The following CEP85 variants were observed in gnomAD, a reference collection of about 807,000 sequenced individuals.
CEP85 encodes centrosomal protein of 85 kDa.
In CEP85, 58 loss-of-function variants were observed where a neutral mutation model predicts 93.7. That is an observed-to-expected ratio of 0.62 (90% CI 0.50 to 0.77). The LOEUF is 0.77. CEP85 is among the 30% of genes least tolerant of loss of function. The pLI, the probability that CEP85 is intolerant of heterozygous loss-of-function variation, is 0.00. For synonymous variants in CEP85, 314 were observed against 338.6 expected (o/e 0.93, Z 0.80); for missense variants, 868 against 922.0 (o/e 0.94, Z 0.76).
At chr1:26,271,377 G>A (rs2089973461) in intron 10 of CEP85, 1 of 335,054 alleles carries the variant, frequency 3.0e-6, no homozygotes, top group Non-Finnish European at 5.6e-6. Context: ...GACCCAAAAT[G>A]GTGCAGTAAA....
intron 7 of CEP85, among the ~76,000 whole-genome samples, chr1:26,265,505 C>G (rs1248819957): frequency 2.6e-5 from 4 of 152,200 alleles, no homozygotes; most frequent in Non-Finnish European, 5.9e-5. Flanking sequence ...TTGGGAATCT[C>G]TCTGATTGAT....
chr1:26,269,156 C>G (rs6656644), intron 8 of CEP85: 43,975 of 317,300 alleles, frequency 0.14, 3,523 homozygotes, highest in African/African-American at 0.21. Context: ...TAAACCTGTT[C>G]CCTTTAAAAT....
intron 8 of CEP85, among the ~76,000 whole-genome samples, chr1:26,269,078 A>G (rs2089934419): frequency 6.6e-6 from 1 of 152,154 alleles, no homozygotes; most frequent in African/African-American, 2.4e-5. Context: ...CTCTGACCTA[A>G]GTCACCTTTA....
At chr1:26,272,380 A>G (rs992970227) in intron 11 of CEP85, 1 of 361,862 alleles carries the variant, frequency 2.8e-6, no homozygotes, top group African/African-American at 2.0e-5. Context: ...TAGCCAGGCA[A>G]ACAAGAGGAG....
At chr1:26,245,979 C>G (rs200257426) in intron 3 of CEP85, among the ~76,000 whole-genome samples, 1 of 147,948 alleles carries the variant, frequency 6.8e-6, no homozygotes, top group Non-Finnish European at 1.5e-5. Context: ...GACCCTGTCT[C>G]AAAAAAAAAA....
Position 26,271,013 on chromosome 1 carries a change from G to T in CEP85, c.1650-1G>T. On this transcript the variant is annotated splice_acceptor_variant, in intron 9 of 13. Coordinates refer to ENST00000451429, the MANE Select transcript of CEP85 (RefSeq NM_001319944.2). LOFTEE classifies it high-confidence loss of function. ...TTCTTGAAGAGGCCACTGTCTTTCA[G>T]CCTGCAAGATAAACAGTCTGTGGAG... 1 of 1,605,558 alleles carries T rather than the reference G, an allele frequency of 6.2e-7. No individual in the cohort carries two copies. Among genetic ancestry groups the T allele is most frequent in the South Asian group, 1.1e-5 (1 of 90,780 alleles).
At position 26,257,597 on chromosome 1, in the gene CEP85, C is replaced by G. The variant is rs756242813; in HGVS notation, c.904C>G (p.Leu302Val). 3.2e-5 allele frequency: 51 copies of G among 1,614,066 alleles called. No individual in the cohort carries two copies. Among genetic ancestry groups the G allele is most frequent in the Non-Finnish European group, 4.1e-5 (48 of 1,179,970 alleles). Residue 302 changes from leucine (L) to valine (V), a missense_variant and splice_region_variant, in exon 5 of 14, where the codon CTT (leucine) becomes GTT (valine). By Grantham distance (32) the Leu-to-Val change is conservative. Transcript: ENST00000451429. The part of the protein sequence containing the change: ...LIRLQMEQMQ[L>V]QNGAICHHPA... The stretch of plus-strand genomic sequence containing the variant: ...TCATCTGGGCCTACTTGCCTTTCAG[C>G]TTCAGAATGGAGCCATCTGCCACCA...
chr1:26,271,150 G>A (rs1391705426), intron 10 of CEP85, 43 bp downstream of exon 10: 1 of 1,224,974 alleles, frequency 8.2e-7, no homozygotes, highest in Admixed American at 1.7e-5. Context: ...TAGGCTGGGA[G>A]GAAAGAGAAG....
intron 12 of CEP85, 59 bp from the exon 13 acceptor site, chr1:26,276,476 A>ACACACC: frequency 2.2e-6 from 3 of 1,363,648 alleles, no homozygotes; most frequent in Non-Finnish European, 2.1e-6. Context: ...ACACTCATGC[A>ACACACC]CAGATACTCT....
intron 3 of CEP85, among the ~76,000 whole-genome samples, chr1:26,252,735 G>C (rs1172616747): frequency 6.6e-6 from 1 of 152,112 alleles, no homozygotes; most frequent in African/African-American, 2.4e-5. Context: ...TTTGTTACGT[G>C]TGTGTGTGTT....
At chr1:26,268,879 G>T (rs1443454780) in intron 8 of CEP85, among the ~76,000 whole-genome samples, 3 of 152,146 alleles carry the variant, frequency 2.0e-5, no homozygotes, top group Admixed American at 6.5e-5. Context: ...GTAAGTTCAG[G>T]TCTCTTACTC....
intron 6 of CEP85, 38 bp from the exon 7 acceptor site, chr1:26,259,579 G>C (rs1188312125): frequency 1.9e-6 from 3 of 1,542,132 alleles, no homozygotes; most frequent in Non-Finnish European, 2.6e-6. Context: ...AGACTATAAG[G>C]GTAGAGAACA....
chr1:26,258,319 C>A, intron 6 of CEP85, 59 bp downstream of exon 6: 3 of 1,068,754 alleles, frequency 2.8e-6, no homozygotes, highest in Non-Finnish European at 4.4e-6. Context: ...CTTCCCTATG[C>A]TTGACACCAT....
chr1:26,244,164 A>C lies in CEP85; in HGVS notation c.56-2A>C. ...AAAGGTGGGAAATGCCTCTTGTTTC[A>C]GGTTCCGATGTGATTCAGAAGGGCA... On this transcript the variant is annotated splice_acceptor_variant, in intron 2 of 13. Transcript: ENST00000451429. LOFTEE classifies it high-confidence loss of function. 1.1e-5 allele frequency: 18 copies of C among 1,611,898 alleles called. No homozygotes were observed. The highest frequency in any genetic ancestry group is 1.4e-5 in the Non-Finnish European group (17 of 1,178,948).
intron 2 of CEP85, among the ~76,000 whole-genome samples, chr1:26,242,467 A>G (rs1380161441): frequency 6.6e-6 from 1 of 152,246 alleles, no homozygotes; most frequent in Non-Finnish European, 1.5e-5. Context: ...TACTGAGTGT[A>G]TAAAGATTCT....
At chr1:26,254,511 A>G (rs1338090687) in intron 3 of CEP85, 5 of 152,292 alleles carry the variant, frequency 3.3e-5, no homozygotes, top group African/African-American at 4.8e-5. Flanking sequence ...TGTGTACCCA[A>G]TTGAGAGTGC....
rs1398930927 is a variant in CEP85 at position 26,259,646 on chromosome 1, T to G, written c.1185T>G (p.Arg395=). The change falls in exon 7 of 14, where the codon CGT becomes CGG. Residue 395 remains arginine (R), a synonymous_variant. Coordinates refer to ENST00000451429, the MANE Select transcript of CEP85 (RefSeq NM_001319944.2). ...TGCAGCGAGAAAACACTTTCTTACG[T>G]GCACAGTTTGCACAGAAGACAGAAG... ...QELQRENTFL[R]AQFAQKTEAL... 1.9e-6 allele frequency: 3 copies of G among 1,611,024 alleles called. No homozygotes were observed. In the East Asian group the frequency reaches 6.7e-5, roughly 36 times the overall value.
intron 7 of CEP85, 120 bp from the exon 8 acceptor site, chr1:26,268,363 T>G: frequency 9.3e-7 from 1 of 1,075,770 alleles, no homozygotes; most frequent in Admixed American, 2.0e-5. Context: ...GGGGCTGAGG[T>G]AGGAGGATCA....
Position 26,255,468 on chromosome 1 carries a change from G to A in CEP85, c.506G>A (p.Gly169Asp). The change falls in exon 4 of 14, where the codon GGC (glycine) becomes GAC (aspartate). Residue 169 changes from glycine to aspartate, a missense_variant. Gly to Asp is a moderately conservative substitution (Grantham distance 94). Transcript: ENST00000451429. The stretch of plus-strand genomic sequence containing the variant: ...GAGCAGTCCTGGTTTCCAGCAGTGG[G>A]CCATGAAAGACAAGAAGAGGCGAGG... The part of the protein sequence containing the change: ...GIEQSWFPAV[G>D]HERQEEARKF... 1.2e-6 allele frequency: 2 copies of A among 1,614,130 alleles called. No homozygotes were observed. Among genetic ancestry groups the A allele is most frequent in the Non-Finnish European group, 1.7e-6 (2 of 1,180,030 alleles).
Sources: gnomAD v4.1 joint callset for allele counts (sites outside exome capture counted in the v4.1 genomes callset) on GRCh38, gnomAD v4.1.1 for gene constraint, MANE v1.5 for transcripts, NCBI Gene and HGNC (gene_info 2026-07-23, HGNC 2026-07-21) for gene names.